Variants in PTPN9 observed in about 807,000 individuals in gnomAD.
PTPN9 encodes the protein protein tyrosine phosphatase non-receptor type 9, also known as tyrosine-protein phosphatase non-receptor type 9.
Under a neutral mutation model 69.8 loss-of-function variants are expected in PTPN9, and 26 were observed. That is an observed-to-expected ratio of 0.37 (90% CI 0.27 to 0.52). The LOEUF is 0.52. Ranked by LOEUF, PTPN9 falls within the 20% of genes least tolerant of loss-of-function variation. The probability of loss-of-function intolerance (pLI) is 0.91; values close to 1 mark genes in which losing one functional copy is unlikely to be tolerated. For missense variants in PTPN9, 549 were observed against 740.3 expected (o/e 0.74, Z 3.00); for synonymous variants, 274 against 272.5 (o/e 1.01, Z -0.05).
intron 1 of PTPN9, among the ~76,000 whole-genome samples, chr15:75,561,346 C>T (rs745453583): frequency 3.3e-5 from 5 of 151,614 alleles, no homozygotes; most frequent in African/African-American, 7.3e-5. Flanking sequence ...AAAAGAATTC[C>T]GTTTTTTGGA....
At chr15:75,553,788 G>A (rs2075065247) in intron 1 of PTPN9, among the ~76,000 whole-genome samples, 1 of 151,974 alleles carries the variant, frequency 6.6e-6, no homozygotes, top group Admixed American at 6.6e-5. Context: ...ACTGGCCCCT[G>A]CATTCTTCCT....
At chr15:75,575,907 A>G (rs955702590) in intron 1 of PTPN9, among the ~76,000 whole-genome samples, 1 of 119,688 alleles carries the variant, frequency 8.4e-6, no homozygotes, top group African/African-American at 3.2e-5. Context: ...CAACAGAGCA[A>G]GACTCCATCT....
At chr15:75,550,028 T>C (rs2075050582) in intron 1 of PTPN9, among the ~76,000 whole-genome samples, 1 of 151,274 alleles carries the variant, frequency 6.6e-6, no homozygotes, top group Admixed American at 6.6e-5. Flanking sequence ...TTTCCGTTTC[T>C]CTATCAAGTA....
rs2141667028 is a variant in PTPN9, at chr15:75,467,213, GACTC to G, written c.*1552_*1555del. 1 of 152,704 alleles carries G rather than the reference GACTC, an allele frequency of 6.5e-6. No homozygotes were observed. The highest frequency in any genetic ancestry group is 2.4e-5 in the African/African-American group (1 of 41,562). The allele number at this position is 152,704 out of a possible 1,614,324, so 9.5% of individuals were successfully genotyped here. On this transcript the variant is annotated 3_prime_UTR_variant, in exon 13 of 13. Transcript: ENST00000618819. ...AACATTACAATTATTTTCTGAATCAGACTCAGTCCATTGATATTAAATACAAAAT... is the reference window on the plus strand; with the variant it reads ...AACATTACAATTATTTTCTGAATCAGAGTCCATTGATATTAAATACAAAAT...
At chr15:75,576,893 G>A (rs560538018) in intron 1 of PTPN9, among the ~76,000 whole-genome samples, 3 of 152,142 alleles carry the variant, frequency 2.0e-5, no homozygotes, top group East Asian at 3.9e-4. Flanking sequence ...CTAAAATATG[G>A]TAACATTAGG....
chr15:75,502,552 T>C (rs1035565803), intron 7 of PTPN9, among the ~76,000 whole-genome samples: 1 of 152,076 alleles, frequency 6.6e-6, no homozygotes, highest in African/African-American at 2.4e-5. Context: ...TATGTATGTA[T>C]GTATATATAG....
chr15:75,533,999 CT>C (rs2074973161), intron 1 of PTPN9, among the ~76,000 whole-genome samples: 1 of 152,166 alleles, frequency 6.6e-6, no homozygotes, highest in Non-Finnish European at 1.5e-5. Context: ...AAACAAAAAA[CT>C]TCTGTCTCCT....
Position 75,517,248 on chromosome 15 carries a change from C to T in PTPN9, c.528+11G>A, listed in dbSNP as rs1287814091. ...TTGAAGGAAACTTGAGAGGGCCCTC[C>T]ATAGCCTTACCTTCAGCAGGTTTAG... On this transcript the variant is annotated intron_variant, in intron 5 of 12. Transcript: ENST00000618819. 2.5e-6 allele frequency: 4 copies of T among 1,599,988 alleles called. No homozygotes were observed. The highest frequency in any genetic ancestry group is 3.4e-6 in the Non-Finnish European group (4 of 1,168,176).
chr15:75,493,512 G>A (rs768889755), intron 7 of PTPN9, among the ~76,000 whole-genome samples: 2 of 152,104 alleles, frequency 1.3e-5, no homozygotes, highest in Non-Finnish European at 2.9e-5. Context: ...TGTTATCCCA[G>A]CACTTTGGGA....
intron 5 of PTPN9, among the ~76,000 whole-genome samples, chr15:75,513,779 C>T (rs1165609432): frequency 6.6e-6 from 1 of 150,862 alleles, no homozygotes; most frequent in East Asian, 2.0e-4. Context: ...AACAAACAAA[C>T]AACAAAAAAG....
chr15:75,503,250 C>T (rs1254596974), intron 7 of PTPN9, among the ~76,000 whole-genome samples: 1 of 149,428 alleles, frequency 6.7e-6, no homozygotes. Flanking sequence ...TGCCCGGCCG[C>T]CCATCGTCTG....
intron 1 of PTPN9, among the ~76,000 whole-genome samples, chr15:75,559,450 G>C (rs1342985137): frequency 6.6e-6 from 1 of 152,230 alleles, no homozygotes; most frequent in Non-Finnish European, 1.5e-5. Context: ...GCCTTGGGAT[G>C]CTGTTGATCT....
intron 7 of PTPN9, among the ~76,000 whole-genome samples, chr15:75,503,606 C>T (rs2074789775): frequency 2.8e-5 from 4 of 144,734 alleles, no homozygotes; most frequent in Admixed American, 6.7e-5. Flanking sequence ...GGGGGTCAGC[C>T]CCCCGCCCGG....
At chr15:75,510,022 T>A (rs1039725806) in intron 5 of PTPN9, among the ~76,000 whole-genome samples, 1 of 152,184 alleles carries the variant, frequency 6.6e-6, no homozygotes, top group Non-Finnish European at 1.5e-5. Context: ...TTAAAAATTT[T>A]AAAAATTTCT....
chr15:75,485,724 C>G (rs1421274467), intron 8 of PTPN9, among the ~76,000 whole-genome samples: 4 of 151,524 alleles, frequency 2.6e-5, no homozygotes, highest in Admixed American at 2.6e-4. Flanking sequence ...GAATTACCAG[C>G]TTTAGCACTG....
intron 2 of PTPN9, among the ~76,000 whole-genome samples, chr15:75,526,732 A>G (rs1346530564): frequency 1.3e-5 from 2 of 152,188 alleles, no homozygotes; most frequent in East Asian, 3.9e-4. Flanking sequence ...CTCATCATTC[A>G]TCTGAATGGC....
intron 1 of PTPN9, among the ~76,000 whole-genome samples, chr15:75,576,018 G>A (rs1481686250): frequency 1.3e-5 from 2 of 151,634 alleles, no homozygotes; most frequent in African/African-American, 4.9e-5. Context: ...TGGATCACGA[G>A]GTCAAGAAAT....
intron 7 of PTPN9, among the ~76,000 whole-genome samples, chr15:75,504,260 G>A (rs1337871196): frequency 7.5e-6 from 1 of 134,036 alleles, no homozygotes; most frequent in Non-Finnish European, 1.6e-5. Flanking sequence ...AGGGAGGTGA[G>A]GTCAGCCCCC....
At chr15:75,513,768 A>G (rs1466578247) in intron 5 of PTPN9, among the ~76,000 whole-genome samples, 1 of 151,400 alleles carries the variant, frequency 6.6e-6, no homozygotes, top group Admixed American at 6.6e-5. Flanking sequence ...CTCCATCTCA[A>G]AACAAACAAA....
Sources: allele counts gnomAD v4.1 joint callset (sites outside exome capture counted in the v4.1 genomes callset), GRCh38; gene constraint gnomAD v4.1.1; transcripts MANE v1.5; gene names NCBI Gene and HGNC (gene_info 2026-07-23, HGNC 2026-07-21).